HELQ: variants seen among roughly 807,000 people sequenced by gnomAD.
The protein encoded by HELQ is helicase, POLQ like.
In HELQ, 77 loss-of-function variants were observed where a neutral mutation model predicts 111.6. The ratio of observed to expected loss-of-function variants is 0.69; its 90% CI spans 0.57 to 0.83. The LOEUF (loss-of-function observed/expected upper bound fraction) is 0.83. Among genes scored for constraint, HELQ ranks in the 40% least tolerant of loss-of-function variants. The probability of loss-of-function intolerance (pLI) is 0.00; values close to 1 mark genes in which losing one functional copy is unlikely to be tolerated. For missense variants in HELQ, 1,200 were observed against 1,288.5 expected, an observed-to-expected ratio of 0.93 and a Z score of 1.05; for synonymous variants, 438 against 454.7, an observed-to-expected ratio of 0.96 and a Z score of 0.47.
chr4:83,448,613 T>C (rs866643557), intron 3 of HELQ, among the ~76,000 whole-genome samples, 170 bp downstream of exon 3: 12 of 147,160 alleles, frequency 8.2e-5, no homozygotes, highest in African/African-American at 3.0e-4. Context: ...GAGGTTGCAG[T>C]GAGCCAAGAT....
In HELQ at chr4:83,446,112, A is replaced by G. The variant is rs566168548; in HGVS notation, c.1393-26T>C. 7.8e-6 allele frequency: 12 copies of G among 1,542,566 alleles called. No homozygotes were observed. The African/African-American group carries it at 1.1e-4, about 14-fold the overall frequency. On this transcript the variant is annotated intron_variant, in intron 4 of 17. Transcript: ENST00000295488. ...CTTCGAGATTTTTTTTAAAAAGGAC[A>G]GAGAAGTAAATCTTCATATAGTGCT... is the stretch of plus-strand genomic sequence containing the variant.
At chr4:83,439,151 T>C (rs1248161888) in intron 8 of HELQ, among the ~76,000 whole-genome samples, 1 of 151,944 alleles carries the variant, frequency 6.6e-6, no homozygotes, top group African/African-American at 2.4e-5. Flanking sequence ...CACTGCAACC[T>C]CTGCCTCCCA....
intron 2 of HELQ, among the ~76,000 whole-genome samples, chr4:83,451,806 C>A (rs989117983): frequency 6.6e-6 from 1 of 152,212 alleles, no homozygotes; most frequent in African/African-American, 2.4e-5. Context: ...AGAAAGTTAA[C>A]GTCTACTTCC....
At chr4:83,443,277 G>A (rs533463688) in intron 6 of HELQ, among the ~76,000 whole-genome samples, 9 of 152,204 alleles carry the variant, frequency 5.9e-5, no homozygotes, top group Admixed American at 1.3e-4. Context: ...TTCAATGAAC[G>A]TTCATTGACA....
At chr4:83,453,210 T>C in intron 2 of HELQ, 21 bp downstream of exon 2, 1 of 1,524,504 alleles carries the variant, frequency 6.6e-7, no homozygotes, top group South Asian at 1.2e-5. Flanking sequence ...AAAATTTTTT[T>C]ATTCCAGCAA....
intron 12 of HELQ, among the ~76,000 whole-genome samples, chr4:83,428,410 A>C (rs1336944037): frequency 6.6e-6 from 1 of 152,022 alleles, no homozygotes; most frequent in Non-Finnish European, 1.5e-5. Context: ...AAAATACAAA[A>C]ATTAGTCAGG....
chr4:83,432,184 G>T lies in HELQ; in HGVS notation c.2132C>A (p.Ala711Asp). The T allele has an allele frequency of 6.2e-7, 1 of 1,602,070 alleles. No individual in the cohort carries two copies. The highest frequency in any genetic ancestry group is 8.5e-7 in the Non-Finnish European group (1 of 1,173,908). The change falls in exon 10 of 18, where the codon GCT becomes GAT. Residue 711 changes from alanine to aspartate, a missense_variant. Ala to Asp is a moderately radical substitution (Grantham distance 126). Around this residue, in one of 3 missense-constraint regions of HELQ, gnomAD observed 585 missense variants for 665.3 expected, o/e 0.88. Transcript: ENST00000295488. ...YKQMIGRAGR[A>D]GIDTIGESIL... Reference sequence around the variant, plus strand: ...ACTCTCCCCAATAGTATCTATTCCAGCACGACCAGCTCTGCCAATCATCTG... The same window carrying T: ...ACTCTCCCCAATAGTATCTATTCCATCACGACCAGCTCTGCCAATCATCTG...
chr4:83,430,302 T>C (rs1435672680), intron 11 of HELQ, among the ~76,000 whole-genome samples: 1 of 135,042 alleles, frequency 7.4e-6, no homozygotes, highest in African/African-American at 2.8e-5. Flanking sequence ...CAAAATAAAT[T>C]AAAAAAAGAA....
intron 2 of HELQ, among the ~76,000 whole-genome samples, chr4:83,451,708 G>T (rs1021654543): frequency 6.6e-6 from 1 of 151,986 alleles, no homozygotes; most frequent in African/African-American, 2.4e-5. Context: ...AGATGAGTTA[G>T]ATAGAGCCTT....
chr4:83,411,543 G>A (rs1411853440), intron 17 of HELQ, among the ~76,000 whole-genome samples: 1 of 151,796 alleles, frequency 6.6e-6, no homozygotes, highest in Admixed American at 6.6e-5. Flanking sequence ...GGTTAAGGCT[G>A]CAGCAAGCCA....
intron 2 of HELQ, 21 bp from the exon 3 acceptor site, chr4:83,448,982 A>T (rs779150328): frequency 4.0e-5 from 47 of 1,181,112 alleles, no homozygotes; most frequent in Non-Finnish European, 1.1e-5. Context: ...AAAAAAAAAA[A>T]GGCATTATTT....
At position 83,436,856 on chromosome 4, in the gene HELQ, A is replaced by C. The variant is rs1181182176; in HGVS notation, c.2048+2T>G. ...CCTGGTCAACACTTACTTATCTCTT[A>C]CCTTCGAGCTGGTAGGTTGACACCT... On this transcript the variant is annotated splice_donor_variant, in intron 9 of 17. Transcript: ENST00000295488. LOFTEE classifies it high-confidence loss of function. 6.2e-7 allele frequency: 1 copy of C among 1,611,180 alleles called. No homozygotes were observed.
intron 3 of HELQ, among the ~76,000 whole-genome samples, chr4:83,448,395 C>T (rs940781909): frequency 2.0e-5 from 3 of 151,940 alleles, no homozygotes; most frequent in South Asian, 2.1e-4. Context: ...TCTCACCAGG[C>T]GCAGTGGCTC....
At chr4:83,453,107 A>G (rs1721486929) in intron 2 of HELQ, 124 bp downstream of exon 2, 1 of 631,132 alleles carries the variant, frequency 1.6e-6, no homozygotes, top group African/African-American at 1.8e-5. Context: ...CTGAGAGATC[A>G]CTGATCTTTT....
chr4:83,453,678 C>T lies in HELQ; in HGVS notation c.565G>A (p.Ala189Thr). The stretch of plus-strand genomic sequence containing the variant: ...GAAGGTACATCATACAAAAGATCAG[C>T]TCCAGGTTCAATAGTGACACCTTCA... ...GYEGVTIEPGADLLYDVPSSQ... is the reference protein window; with the variant it reads ...GYEGVTIEPGTDLLYDVPSSQ... Residue 189 changes from alanine to threonine, a missense_variant, in exon 2 of 18, where the codon GCT (alanine) becomes ACT (threonine). This residue lies in a region of HELQ where 610 missense variants were observed against 607.1 expected (regional missense o/e 1.00). Coordinates refer to ENST00000295488, the MANE Select transcript of HELQ (RefSeq NM_133636.5). 6.2e-7 allele frequency: 1 copy of T among 1,614,068 alleles called. No homozygotes were observed. The highest frequency in any genetic ancestry group is 8.5e-7 in the Non-Finnish European group (1 of 1,179,976).
At chr4:83,409,485 C>T (rs1359420777) in intron 17 of HELQ, among the ~76,000 whole-genome samples, 1 of 151,624 alleles carries the variant, frequency 6.6e-6, no homozygotes, top group Admixed American at 6.6e-5. Flanking sequence ...ACCTGGGAGG[C>T]GGAGCTTGCA....
intron 17 of HELQ, among the ~76,000 whole-genome samples, chr4:83,411,752 C>T (rs757179265): frequency 8.6e-5 from 13 of 151,896 alleles, no homozygotes; most frequent in Non-Finnish European, 1.8e-4. Flanking sequence ...AAATGATCCT[C>T]CCATTGCAGC....
chr4:83,432,365 TACTA>T, intron 9 of HELQ, 98 bp from the exon 10 acceptor site: 4 of 854,434 alleles, frequency 4.7e-6, no homozygotes, highest in East Asian at 3.2e-5. Context: ...TTTAATGACA[TACTA>T]ACACAAAATA....
At chr4:83,439,792 C>A (rs934044032) in intron 8 of HELQ, 71 bp downstream of exon 8, 23 of 1,024,610 alleles carry the variant, frequency 2.2e-5, no homozygotes, top group Non-Finnish European at 3.3e-5. Context: ...AGTGTTTGCC[C>A]AATAAAATTA....
Sources: gnomAD v4.1 joint callset for allele counts (sites outside exome capture counted in the v4.1 genomes callset) on GRCh38, gnomAD v4.1.1 for gene constraint, gnomAD v4.1.1 regional missense constraint, MANE v1.5 for transcripts, NCBI Gene and HGNC (gene_info 2026-07-23, HGNC 2026-07-21) for gene names.